The following RTF1 variants were observed in gnomAD, a reference collection of about 807,000 sequenced individuals.
The protein encoded by RTF1 is RTF1 homolog, Paf1/RNA polymerase II complex component.
A neutral mutation model predicts 95.7 loss-of-function variants in RTF1; 10 were observed. The observed-to-expected ratio is 0.10, with a 90% CI of 0.06 to 0.18. The LOEUF (loss-of-function observed/expected upper bound fraction) is 0.18. Ranked by LOEUF, RTF1 falls within the 10% of genes least tolerant of loss-of-function variation. The pLI, the probability that RTF1 is intolerant of heterozygous loss-of-function variation, is 1.00. For synonymous variants in RTF1, 305 were observed against 311.8 expected (o/e 0.98, Z 0.23); for missense variants, 458 against 875.6 (o/e 0.52, Z 6.02).
rs753145419 is a variant in RTF1, at chr15:41,471,238, A to G, written c.1092A>G (p.Leu364=). The G allele has an allele frequency of 6.2e-7, 1 of 1,613,942 alleles. No individual in the cohort carries two copies. Among genetic ancestry groups the G allele is most frequent in the South Asian group, 1.1e-5 (1 of 91,006 alleles). ...SLPEELNRVR[L]SRHKLERWCH... ...CTGAAGAATTGAATCGGGTTCGATTATCACGGCATAAGCTAGAACGCTGGT... is the reference window on the plus strand; with the variant it reads ...CTGAAGAATTGAATCGGGTTCGATTGTCACGGCATAAGCTAGAACGCTGGT... The change falls in exon 8 of 18, where the codon TTA becomes TTG. Residue 364 remains leucine (L), a synonymous_variant. Transcript: ENST00000389629.
Position 41,441,304 on chromosome 15 carries a change from T to C in RTF1, c.309+2873T>C, listed in dbSNP as rs147730625. 3.3e-5 allele frequency among the ~76,000 whole-genome samples: 5 copies of C among 152,302 alleles called. No individual in the cohort carries two copies. The East Asian group carries it at 9.6e-4, about 29-fold the overall frequency. On this transcript the variant is annotated intron_variant, in intron 2 of 17. Transcript: ENST00000389629. ...ACTATTCTTATAGCTACTTTTATTT[T>C]TCATGTTTCAGAAGTCAGCTGCTGT...
Position 41,480,375 on chromosome 15 carries a change from T to C in RTF1, c.2026+50T>C, listed in dbSNP as rs116552551. On this transcript the variant is annotated intron_variant, in intron 17 of 17. Transcript: ENST00000389629. ...GAGGGCTGAGAACCAGATGGATCCA[T>C]GGTTTTCTGGGGCAACAAGGAAGCC... 84 of 1,300,816 alleles carry C rather than the reference T, an allele frequency of 6.5e-5. 2 individuals carry two copies. The African/African-American group carries it at 1.0e-3, about 16-fold the overall frequency. 80.6% of individuals were successfully genotyped at this position (1,300,816 alleles called of 1,614,324 possible).
chr15:41,443,062 G>A (rs2050743702), intron 2 of RTF1, among the ~76,000 whole-genome samples: 1 of 152,078 alleles, frequency 6.6e-6, no homozygotes, highest in South Asian at 2.1e-4. Flanking sequence ...AGATTTGCTA[G>A]GACAGAAAAT....
chr15:41,459,488 T>G (rs111686891), intron 4 of RTF1, among the ~76,000 whole-genome samples: 100 of 152,332 alleles, frequency 6.6e-4, no homozygotes, highest in African/African-American at 2.0e-3. Context: ...TGCGTTGGTT[T>G]TAGAACATGA....
At chr15:41,469,293 G>A (rs947864708) in intron 6 of RTF1, among the ~76,000 whole-genome samples, 2 of 151,558 alleles carry the variant, frequency 1.3e-5, no homozygotes, top group African/African-American at 2.4e-5. Context: ...TTTTTAAATC[G>A]TAAGTACACA....
At chr15:41,438,651 A>T (rs558104770) in intron 2 of RTF1, among the ~76,000 whole-genome samples, 1 of 152,262 alleles carries the variant, frequency 6.6e-6, no homozygotes, top group East Asian at 1.9e-4. Flanking sequence ...ACCTGAGGTC[A>T]GGAGTTCGAG....
At chr15:41,460,107 T>G (rs566974135) in intron 4 of RTF1, among the ~76,000 whole-genome samples, 1 of 86,566 alleles carries the variant, frequency 1.2e-5, no homozygotes, top group East Asian at 3.8e-4. Context: ...CATTTGATTT[T>G]TGTTTTTGTT....
At chr15:41,425,873 T>C (rs948501338) in intron 1 of RTF1, among the ~76,000 whole-genome samples, 1 of 152,038 alleles carries the variant, frequency 6.6e-6, no homozygotes, top group Non-Finnish European at 1.5e-5. Flanking sequence ...TGGCATGAGA[T>C]GGGGAGTGCT....
intron 1 of RTF1, among the ~76,000 whole-genome samples, chr15:41,435,590 G>T (rs2050697880): frequency 6.6e-6 from 1 of 152,132 alleles, no homozygotes; most frequent in African/African-American, 2.4e-5. Flanking sequence ...CTTTCAGGAA[G>T]TTGGTATGTT....
At chr15:41,453,144 T>A in intron 3 of RTF1, 96 bp downstream of exon 3, 1 of 998,666 alleles carries the variant, frequency 1.0e-6, no homozygotes, top group South Asian at 2.2e-5. Context: ...GTACTTGCAT[T>A]CAGCATGACC....
intron 1 of RTF1, among the ~76,000 whole-genome samples, chr15:41,433,825 T>C (rs1243846812): frequency 1.3e-5 from 2 of 151,742 alleles, no homozygotes; most frequent in Non-Finnish European, 2.9e-5. Flanking sequence ...TGTTTTATTG[T>C]TGTTGTTTGC....
At chr15:41,476,874 G>A (rs2050944233) in intron 12 of RTF1, among the ~76,000 whole-genome samples, 1 of 152,202 alleles carries the variant, frequency 6.6e-6, no homozygotes, top group Admixed American at 6.5e-5. Context: ...CACTGGGTTG[G>A]GGTGGGCCTT....
intron 1 of RTF1, among the ~76,000 whole-genome samples, chr15:41,424,509 G>A (rs1403401932): frequency 2.0e-5 from 3 of 152,146 alleles, no homozygotes; most frequent in Non-Finnish European, 4.4e-5. Flanking sequence ...AAACTGTAGA[G>A]GTAGATTCTG....
chr15:41,444,298 AT>A (rs879695308), intron 2 of RTF1, among the ~76,000 whole-genome samples: 166 of 142,892 alleles, frequency 1.2e-3, no homozygotes, highest in Admixed American at 9.9e-4. Flanking sequence ...TACTTGCTAG[AT>A]TTTTTTTTTT....
intron 2 of RTF1, among the ~76,000 whole-genome samples, chr15:41,439,688 A>C (rs899698922): frequency 6.6e-6 from 1 of 152,106 alleles, no homozygotes; most frequent in African/African-American, 2.4e-5. Flanking sequence ...TCTCACTCTT[A>C]TCGCCCAGGC....
intron 2 of RTF1, among the ~76,000 whole-genome samples, chr15:41,443,677 A>G (rs2050746511): frequency 6.6e-6 from 1 of 151,700 alleles, no homozygotes; most frequent in African/African-American, 2.4e-5. Context: ...AGGTGGGAGG[A>G]TTGCTTAAGC....
chr15:41,474,917 A>G (rs1158713604), intron 9 of RTF1, among the ~76,000 whole-genome samples: 1 of 152,198 alleles, frequency 6.6e-6, no homozygotes, highest in Non-Finnish European at 1.5e-5. Flanking sequence ...ATGAAGGGGT[A>G]GGACACAGAG....
intron 15 of RTF1, 76 bp from the exon 16 acceptor site, chr15:41,479,027 G>A (rs1441606538): frequency 3.0e-6 from 3 of 986,778 alleles, no homozygotes; most frequent in Admixed American, 1.8e-5. Flanking sequence ...TGTTAGTTTG[G>A]TAGGTGGGAA....
At chr15:41,453,087 C>T in intron 3 of RTF1, 39 bp downstream of exon 3, 1 of 1,497,536 alleles carries the variant, frequency 6.7e-7, no homozygotes, top group Non-Finnish European at 8.9e-7. Context: ...TCAACTCCCA[C>T]TCTTGTCAGC....
Sources: gnomAD v4.1 joint callset for allele counts (sites outside exome capture counted in the v4.1 genomes callset) on GRCh38, gnomAD v4.1.1 for gene constraint, MANE v1.5 for transcripts, NCBI Gene and HGNC (gene_info 2026-07-23, HGNC 2026-07-21) for gene names.